The following PNKD variants were observed in gnomAD, a reference collection of about 807,000 sequenced individuals.
PNKD encodes PNKD metallo-beta-lactamase domain containing, also known as probable thioesterase PNKD.
PNKD carries 36 observed loss-of-function variants against 45.3 expected under a neutral mutation model. The observed-to-expected ratio is 0.80, with a 90% CI of 0.61 to 1.05. The LOEUF is 1.05. Among genes scored for constraint, PNKD ranks in the 50% least tolerant of loss-of-function variants. The pLI is 0.00. For synonymous variants in PNKD, 197 were observed against 210.1 expected (o/e 0.94, Z 0.54); for missense variants, 511 against 506.6 (o/e 1.01, Z -0.08).
Position 218,331,407 on chromosome 2 carries a change from CA to C in PNKD, c.237-8365del, listed in dbSNP as rs34373293. ...GGGCAACAAGAGCGAAGCTCTGTCT[CA>C]AAAAAAAAAACCCAAAACAAATATA... is the stretch of plus-strand genomic sequence containing the variant. On this transcript the variant is annotated intron_variant, in intron 2 of 9. Transcript: ENST00000273077. 4.6e-3 allele frequency among the ~76,000 whole-genome samples: 658 copies of C among 142,954 alleles called. 7 individuals carry two copies. Among genetic ancestry groups the C allele is most frequent in the African/African-American group, 0.015 (602 of 39,170 alleles). 93.8% of individuals were successfully genotyped at this position (142,954 alleles called of 152,430 possible).
At chr2:218,272,965 A>G in intron 2 of PNKD, 1 of 1,427,442 alleles carries the variant, frequency 7.0e-7, no homozygotes, top group Non-Finnish European at 9.2e-7. Context: ...TGGGTTTGTG[A>G]GTCCCTTGGG....
intron 2 of PNKD, chr2:218,287,152 G>A (rs769067285): frequency 5.9e-5 from 9 of 152,164 alleles, no homozygotes; most frequent in Non-Finnish European, 1.3e-4. Flanking sequence ...AGAGGATGAA[G>A]CCACAGGGAT....
intron 7 of PNKD, among the ~76,000 whole-genome samples, chr2:218,343,087 G>A (rs1167585093): frequency 6.6e-6 from 1 of 152,168 alleles, no homozygotes; most frequent in East Asian, 1.9e-4. Flanking sequence ...ACAGTGACTG[G>A]CAGGACTAGG....
chr2:218,286,060 G>A (rs951246698), intron 2 of PNKD: 2 of 154,754 alleles, frequency 1.3e-5, no homozygotes, highest in African/African-American at 4.8e-5. Context: ...TCACGAGACT[G>A]ACACAGAGTG....
At chr2:218,294,078 C>A (rs1157557205) in intron 2 of PNKD, among the ~76,000 whole-genome samples, 2 of 152,120 alleles carry the variant, frequency 1.3e-5, no homozygotes, top group African/African-American at 4.8e-5. Flanking sequence ...GACACCCCAA[C>A]CCTTCAGTGT....
chr2:218,275,086 AG>A (rs1276664692), intron 2 of PNKD: 1 of 160,424 alleles, frequency 6.2e-6, no homozygotes, highest in East Asian at 1.8e-4. Flanking sequence ...CCTGTGACAG[AG>A]GTGGGAGGGG....
At chr2:218,341,802 A>G in intron 6 of PNKD, 176 bp downstream of exon 6, 1 of 761,524 alleles carries the variant, frequency 1.3e-6, no homozygotes, top group Non-Finnish European at 2.3e-6. Flanking sequence ...ATCCAGCCAT[A>G]GTCCCCAAAA....
chr2:218,308,286 A>G (rs755952800), intron 2 of PNKD, among the ~76,000 whole-genome samples: 95 of 149,668 alleles, frequency 6.3e-4, no homozygotes, highest in Non-Finnish European at 1.2e-3. Context: ...TCTCAGATTC[A>G]AGTGGTTTTC....
intron 2 of PNKD, chr2:218,275,921 TG>T: frequency 7.6e-7 from 1 of 1,323,944 alleles, no homozygotes; most frequent in South Asian, 1.3e-5. Context: ...TGGCCTGCTA[TG>T]GCCCCATTCC....
At chr2:218,276,551 A>G (rs1055594836) in intron 2 of PNKD, among the ~76,000 whole-genome samples, 2 of 152,170 alleles carry the variant, frequency 1.3e-5, no homozygotes, top group African/African-American at 2.4e-5. Flanking sequence ...GAGCTGGCCC[A>G]TGGGCAGGCA....
intron 2 of PNKD, chr2:218,282,285 A>C (rs763257888): frequency 7.8e-6 from 5 of 639,514 alleles, no homozygotes; most frequent in Admixed American, 4.0e-5. Context: ...GTGGAGAGGA[A>C]CACCACCTAT....
chr2:218,303,726 C>A (rs540040240), intron 2 of PNKD, among the ~76,000 whole-genome samples: 1 of 152,082 alleles, frequency 6.6e-6, no homozygotes, highest in Non-Finnish European at 1.5e-5. Flanking sequence ...CAGGTGCCCA[C>A]CACCATGCCC....
chr2:218,336,740 G>A (rs942737109), intron 2 of PNKD, among the ~76,000 whole-genome samples: 2 of 148,234 alleles, frequency 1.3e-5, no homozygotes, highest in East Asian at 2.0e-4. Flanking sequence ...CACCACCTCC[G>A]AAAGTGCTGG....
intron 2 of PNKD, among the ~76,000 whole-genome samples, chr2:218,328,276 T>C (rs1694214230): frequency 6.6e-6 from 1 of 152,208 alleles, no homozygotes; most frequent in Non-Finnish European, 1.5e-5. Flanking sequence ...CAGGCCTTTC[T>C]GTGGCTCCAC....
chr2:218,279,631 C>T (rs1691659053), intron 2 of PNKD: 1 of 489,600 alleles, frequency 2.0e-6, no homozygotes, highest in Admixed American at 3.8e-5. Flanking sequence ...ATGGCCTCTG[C>T]ACTCCCAGCA....
chr2:218,278,541 C>G lies in PNKD; in HGVS notation c.236+6992C>G, dbSNP rs1691501045. On this transcript the variant is annotated intron_variant, in intron 2 of 9. Coordinates refer to ENST00000273077, the MANE Select transcript of PNKD (RefSeq NM_015488.5). ...TGGGTCCCTGGCAGCAGGCAAGGATCAGGTAGGTGACAACGAAGACAGCAC... is the reference window on the plus strand; with the variant it reads ...TGGGTCCCTGGCAGCAGGCAAGGATGAGGTAGGTGACAACGAAGACAGCAC... 3 of 1,614,190 alleles carry G rather than the reference C, an allele frequency of 1.9e-6. No individual in the cohort carries two copies. The East Asian group carries it at 6.7e-5, about 36-fold the overall frequency.
chr2:218,276,178 G>T, intron 2 of PNKD: 1 of 1,319,262 alleles, frequency 7.6e-7, no homozygotes, highest in Non-Finnish European at 1.1e-6. Context: ...AGAGTGGGTA[G>T]AGCTGGGAAG....
At chr2:218,283,936 G>T (rs2106220132) in intron 2 of PNKD, 1 of 152,322 alleles carries the variant, frequency 6.6e-6, no homozygotes, top group South Asian at 2.1e-4. Context: ...GAAGACTGAA[G>T]TGGGCAGATC....
Position 218,339,873 on chromosome 2 carries a change from G to C in PNKD, c.327G>C (p.Ser109=). 6.3e-7 allele frequency: 1 copy of C among 1,596,606 alleles called. No individual in the cohort carries two copies. The highest frequency in any genetic ancestry group is 8.5e-7 in the Non-Finnish European group (1 of 1,171,662). The change falls in exon 3 of 10, where the codon TCG becomes TCC. Residue 109 remains serine, a synonymous_variant. Coordinates refer to ENST00000273077, the MANE Select transcript of PNKD (RefSeq NM_015488.5). The part of the protein sequence containing the change: ...RARNRYPKGH[S]KTQPRLFNGV... Reference sequence around the variant, plus strand: ...GGAATCGCTACCCTAAAGGCCACTCGAAAACCCAGCCCCGCCTCTTCAATG... The same window carrying C: ...GGAATCGCTACCCTAAAGGCCACTCCAAAACCCAGCCCCGCCTCTTCAATG...
Sources: allele counts gnomAD v4.1 joint callset (sites outside exome capture counted in the v4.1 genomes callset), GRCh38; gene constraint gnomAD v4.1.1; transcripts MANE v1.5; gene names NCBI Gene and HGNC (gene_info 2026-07-23, HGNC 2026-07-21).